Variants in FNDC3A observed in about 807,000 individuals in gnomAD.
FNDC3A encodes fibronectin type-III domain-containing protein 3A.
FNDC3A carries 32 observed loss-of-function variants against 148.9 expected under a neutral mutation model. The observed-to-expected ratio is 0.21, with a 90% CI of 0.16 to 0.29. The LOEUF (loss-of-function observed/expected upper bound fraction) is 0.29, where lower values mean the gene tolerates loss of function less well. Ranked by LOEUF, FNDC3A falls within the 10% of genes least tolerant of loss-of-function variation. The probability of loss-of-function intolerance (pLI) is 1.00; values close to 1 mark genes in which losing one functional copy is unlikely to be tolerated. For synonymous variants in FNDC3A, 472 were observed against 473.6 expected (o/e 1.00, Z 0.04); for missense variants, 1,191 against 1,452.8 (o/e 0.82, Z 2.93).
intron 7 of FNDC3A, among the ~76,000 whole-genome samples, chr13:49,145,494 A>T (rs766771752): frequency 6.6e-6 from 1 of 152,116 alleles, no homozygotes; most frequent in Non-Finnish European, 1.5e-5. Context: ...CCTTTCAAAC[A>T]TGTTACAATG....
At position 49,207,141 on chromosome 13, in the gene FNDC3A, C is replaced by T; in HGVS notation, c.3343C>T (p.Arg1115Cys). The T allele has an allele frequency of 1.9e-6, 3 of 1,614,128 alleles. No individual in the cohort carries two copies. Among genetic ancestry groups the T allele is most frequent in the Non-Finnish European group, 2.5e-6 (3 of 1,179,966 alleles). ...YSSLQLNCEY[R>C]FRVCAIRQCQ... ...CAGCCTTCAGCTGAACTGTGAATAT[C>T]GCTTCCGTGTATGTGCCATTCGCCA... Residue 1115 changes from arginine (R) to cysteine (C), a missense_variant, in exon 26 of 26, where the codon CGC becomes TGC. By Grantham distance (180) the Arg-to-Cys change is radical. Around this residue, in one of 3 missense-constraint regions of FNDC3A, gnomAD observed 751 missense variants for 944.0 expected, o/e 0.80. Transcript: ENST00000492622.
intron 1 of FNDC3A, among the ~76,000 whole-genome samples, chr13:49,002,704 C>T (rs1259194315): frequency 6.6e-6 from 1 of 152,096 alleles, no homozygotes; most frequent in Admixed American, 6.6e-5. Context: ...ATTATGTAGC[C>T]TGTATTCTTT....
Position 48,979,000 on chromosome 13 carries a change from C to T in FNDC3A, c.-40+2823C>T, listed in dbSNP as rs186308911. 1.6e-3 allele frequency among the ~76,000 whole-genome samples: 245 copies of T among 152,038 alleles called. 1 individual carries two copies. Among genetic ancestry groups the T allele is most frequent in the African/African-American group, 5.7e-3 (235 of 41,462 alleles). On this transcript the variant is annotated intron_variant, in intron 1 of 25. Coordinates refer to ENST00000492622, the MANE Select transcript of FNDC3A (RefSeq NM_001079673.2). ...TCTTTATTCTTACCTTTCTGTCTTC[C>T]CACTGTTGTGGTTTTGCTTGTCTTT...
chr13:49,074,986 G>A (rs1321292601), intron 2 of FNDC3A, among the ~76,000 whole-genome samples: 1 of 152,156 alleles, frequency 6.6e-6, no homozygotes, highest in East Asian at 1.9e-4. Context: ...AGCTCACTTA[G>A]ATGATCTAAA....
chr13:49,114,562 T>G, intron 3 of FNDC3A, 93 bp from the exon 4 acceptor site: 1 of 806,020 alleles, frequency 1.2e-6, no homozygotes, highest in Non-Finnish European at 2.2e-6. Flanking sequence ...CTTGAGTGTT[T>G]AGATGAAGTA....
intron 4 of FNDC3A, among the ~76,000 whole-genome samples, chr13:49,125,088 A>G (rs890220731): frequency 2.0e-5 from 3 of 152,154 alleles, no homozygotes; most frequent in Non-Finnish European, 2.9e-5. Context: ...GAAAGAAACT[A>G]TATCGACTTT....
At chr13:49,117,884 G>C (rs1881069603) in intron 4 of FNDC3A, among the ~76,000 whole-genome samples, 1 of 152,114 alleles carries the variant, frequency 6.6e-6, no homozygotes, top group African/African-American at 2.4e-5. Context: ...TACTCCTACA[G>C]GATTTTAGGT....
intron 10 of FNDC3A, among the ~76,000 whole-genome samples, chr13:49,170,839 A>G (rs1884717877): frequency 6.6e-6 from 1 of 152,220 alleles, no homozygotes; most frequent in Non-Finnish European, 1.5e-5. Flanking sequence ...GTTAAGGTGG[A>G]CATTTTAATA....
chr13:49,010,629 T>C (rs1474539171), intron 2 of FNDC3A, among the ~76,000 whole-genome samples: 1 of 152,166 alleles, frequency 6.6e-6, no homozygotes, highest in African/African-American at 2.4e-5. Flanking sequence ...GAAAAGTACG[T>C]AAAATAAGCA....
intron 10 of FNDC3A, among the ~76,000 whole-genome samples, chr13:49,169,264 A>G (rs144628698): frequency 8.5e-4 from 129 of 152,354 alleles, no homozygotes; most frequent in African/African-American, 2.9e-3. Flanking sequence ...ACCACAGACA[A>G]CATTGTCACT....
intron 2 of FNDC3A, among the ~76,000 whole-genome samples, chr13:49,063,145 TAACTG>T (rs1309558867): frequency 6.6e-6 from 1 of 152,136 alleles, no homozygotes; most frequent in African/African-American, 2.4e-5. Flanking sequence ...ATTTCTTGCT[TAACTG>T]TACTACATTG....
At chr13:49,033,486 G>A (rs1874277229) in intron 2 of FNDC3A, among the ~76,000 whole-genome samples, 1 of 152,076 alleles carries the variant, frequency 6.6e-6, no homozygotes, top group South Asian at 2.1e-4. Flanking sequence ...TGTAAAGGGT[G>A]ACTTGGTAGA....
chr13:49,119,726 A>G (rs1881209771), intron 4 of FNDC3A, among the ~76,000 whole-genome samples: 1 of 151,936 alleles, frequency 6.6e-6, no homozygotes. Flanking sequence ...AATCAAGCAG[A>G]AGAAAGGATG....
intron 1 of FNDC3A, among the ~76,000 whole-genome samples, chr13:48,993,685 A>G (rs1951964477): frequency 6.6e-6 from 1 of 152,206 alleles, no homozygotes; most frequent in African/African-American, 2.4e-5. Context: ...TTTGAAGTGC[A>G]TTTAAAAAAG....
At chr13:49,161,306 A>AT (rs1186700993) in intron 8 of FNDC3A, among the ~76,000 whole-genome samples, 2 of 151,602 alleles carry the variant, frequency 1.3e-5, no homozygotes, top group Non-Finnish European at 3.0e-5. Context: ...GGGTGTATAT[A>AT]TATTTAGGAT....
intron 13 of FNDC3A, among the ~76,000 whole-genome samples, chr13:49,175,996 C>T (rs1043749550): frequency 3.3e-5 from 5 of 152,138 alleles, no homozygotes; most frequent in African/African-American, 7.2e-5. Flanking sequence ...TGATGGATTA[C>T]GTTTATTGAT....
intron 2 of FNDC3A, among the ~76,000 whole-genome samples, chr13:49,071,747 A>ATTTTTTTTTTT (rs1877713258): frequency 6.9e-6 from 1 of 145,094 alleles, no homozygotes. Flanking sequence ...TTTGCTATTG[A>ATTTTTTTTTTT]GTCATTTGAG....
At chr13:49,021,160 T>G (rs1873297549) in intron 2 of FNDC3A, among the ~76,000 whole-genome samples, 1 of 152,202 alleles carries the variant, frequency 6.6e-6, no homozygotes, top group Non-Finnish European at 1.5e-5. Context: ...AAAATGAAAG[T>G]AGGTTTATAT....
At chr13:49,111,862 T>G (rs915238200) in intron 3 of FNDC3A, among the ~76,000 whole-genome samples, 5 of 152,094 alleles carry the variant, frequency 3.3e-5, no homozygotes, top group African/African-American at 1.2e-4. Flanking sequence ...TCTAGTAATA[T>G]ATTTACTACT....
Sources: gnomAD v4.1 joint callset for allele counts (sites outside exome capture counted in the v4.1 genomes callset) on GRCh38, gnomAD v4.1.1 for gene constraint, gnomAD v4.1.1 regional missense constraint, MANE v1.5 for transcripts, NCBI Gene and HGNC (gene_info 2026-07-23, HGNC 2026-07-21) for gene names.